The following RGS5 variants were observed in gnomAD, a reference collection of about 807,000 sequenced individuals.
The protein encoded by RGS5 is regulator of G-protein signalling 5.
Under a neutral mutation model 18.9 loss-of-function variants are expected in RGS5, and 20 were observed. The observed-to-expected ratio is 1.06, with a 90% CI of 0.74 to 1.54. The LOEUF is 1.54. RGS5 is among the 40% of genes most tolerant of loss of function. The pLI is 0.00. For synonymous variants in RGS5, 57 were observed against 76.2 expected, an observed-to-expected ratio of 0.75 and a Z score of 1.31; for missense variants, 201 against 211.8, an observed-to-expected ratio of 0.95 and a Z score of 0.32.
chr1:163,227,581 C>T (rs991480801), intron 2 of RGS5, among the ~76,000 whole-genome samples: 1 of 150,806 alleles, frequency 6.6e-6, no homozygotes, highest in African/African-American at 2.4e-5. Flanking sequence ...TATCATTCCA[C>T]CCCCACCCCT....
At chr1:163,174,444 T>C (rs961181292) in intron 1 of RGS5, among the ~76,000 whole-genome samples, 7 of 152,206 alleles carry the variant, frequency 4.6e-5, no homozygotes, top group African/African-American at 1.2e-4. Context: ...TGCTAGGTTA[T>C]AGTAAAGCTG....
upstream of RGS5, among the ~76,000 whole-genome samples, chr1:163,222,309 G>T (rs1241305666): frequency 6.6e-6 from 1 of 152,066 alleles, no homozygotes; most frequent in Non-Finnish European, 1.5e-5. Flanking sequence ...TGCATGCGAG[G>T]AATCTAGGTT....
Position 163,284,486 on chromosome 1 carries a change from T to G in RGS5, c.-281+21747A>C, listed in dbSNP as rs117118257. ...TTTTTTTCTTACTTTGAGCATATCT[T>G]TTCCACTGAGATTACCAGCATATAA... On this transcript the variant is annotated intron_variant, in intron 2 of 5. Transcript: ENST00000618415. Among the ~76,000 whole-genome samples the G allele has an allele frequency of 1.1e-4, 16 of 152,320 alleles. No homozygotes were observed. In the East Asian group the frequency reaches 2.9e-3, roughly 28 times the overall value.
At chr1:163,174,048 C>A (rs1055337825) in intron 1 of RGS5, among the ~76,000 whole-genome samples, 1 of 152,142 alleles carries the variant, frequency 6.6e-6, no homozygotes, top group Non-Finnish European at 1.5e-5. Context: ...TGCACTCCAG[C>A]CTGGACAACA....
chr1:163,167,996 T>C (rs939793244), intron 2 of RGS5, among the ~76,000 whole-genome samples: 1 of 152,144 alleles, frequency 6.6e-6, no homozygotes, highest in African/African-American at 2.4e-5. Context: ...GTCTATTTTA[T>C]AAGTATGTCT....
intron 1 of RGS5, among the ~76,000 whole-genome samples, chr1:163,216,661 T>TA (rs1660224234): frequency 6.6e-6 from 1 of 152,174 alleles, no homozygotes; most frequent in African/African-American, 2.4e-5. Context: ...TAAGAACAGT[T>TA]ACTCTAATAC....
rs1452385815 is a variant in RGS5, at chr1:163,161,934, G to A, written c.198C>T (p.Asp66=). ...ACTTACAGTTGTTCTGCAGGAGTTT[G>A]TCCAGGGAATCACGCCACTGCAGGG... ...DEALQWRDSL[D]KLLQNNYGLA... The change falls in exon 3 of 5, where the codon GAC becomes GAT. Residue 66 remains aspartate (D), a synonymous_variant. Transcript: ENST00000313961. The A allele has an allele frequency of 1.2e-6, 2 of 1,613,094 alleles. No homozygotes were observed.
intron 1 of RGS5, among the ~76,000 whole-genome samples, chr1:163,175,213 C>T (rs10917692): frequency 0.28 from 41,880 of 151,886 alleles, 7,028 homozygotes; most frequent in East Asian, 0.63. Flanking sequence ...GATTAGAGAC[C>T]AGAGGAGAGA....
At chr1:163,280,181 C>G (rs896486251) in intron 2 of RGS5, among the ~76,000 whole-genome samples, 3 of 135,772 alleles carry the variant, frequency 2.2e-5, no homozygotes, top group East Asian at 4.0e-4. Context: ...TATCCTAATA[C>G]CAAAACCAGA....
intron 2 of RGS5, among the ~76,000 whole-genome samples, chr1:163,285,507 T>C (rs1649119609): frequency 6.6e-6 from 1 of 152,088 alleles, no homozygotes; most frequent in Admixed American, 6.6e-5. Context: ...CACTCCAGTC[T>C]GGGTGACAGA....
intron 2 of RGS5, among the ~76,000 whole-genome samples, chr1:163,230,526 T>C (rs1222561252): frequency 1.3e-5 from 2 of 152,226 alleles, no homozygotes; most frequent in African/African-American, 4.8e-5. Context: ...CAGTTTCATC[T>C]TTATTGACTC....
chr1:163,291,295 C>G (rs749109440), intron 2 of RGS5, among the ~76,000 whole-genome samples: 7 of 152,088 alleles, frequency 4.6e-5, no homozygotes, highest in Non-Finnish European at 8.8e-5. Context: ...GGGTATCTAT[C>G]TAGCCAACCC....
intron 2 of RGS5, among the ~76,000 whole-genome samples, chr1:163,251,570 CAA>C (rs1226824499): frequency 6.6e-6 from 1 of 152,080 alleles, no homozygotes; most frequent in Non-Finnish European, 1.5e-5. Context: ...TCACTTATCC[CAA>C]AGTGATCTCA....
chr1:163,176,109 C>T (rs930675929), intron 1 of RGS5, among the ~76,000 whole-genome samples: 4 of 152,168 alleles, frequency 2.6e-5, no homozygotes, highest in Admixed American at 6.5e-5. Flanking sequence ...CTATTATACC[C>T]TTTCAACTCT....
intron 2 of RGS5, among the ~76,000 whole-genome samples, chr1:163,263,955 T>C (rs1180597012): frequency 2.0e-5 from 3 of 151,774 alleles, no homozygotes; most frequent in African/African-American, 7.3e-5. Context: ...CTATGGTGTA[T>C]GGCTGAGGGT....
At chr1:163,299,820 T>C (rs1649508464) in intron 2 of RGS5, among the ~76,000 whole-genome samples, 1 of 152,240 alleles carries the variant, frequency 6.6e-6, no homozygotes, top group African/African-American at 2.4e-5. Flanking sequence ...TATTCTTTCC[T>C]GACTGAAAGA....
chr1:163,303,708 TGTTAGG>T, intron 2 of RGS5, among the ~76,000 whole-genome samples: 1 of 152,288 alleles, frequency 6.6e-6, no homozygotes, highest in East Asian at 1.9e-4. Context: ...GTCTGTGGCC[TGTTAGG>T]AACCAGGCCA....
chr1:163,314,730 A>C (rs1231591157), intron 1 of RGS5, among the ~76,000 whole-genome samples: 1 of 152,162 alleles, frequency 6.6e-6, no homozygotes, highest in Non-Finnish European at 1.5e-5. Flanking sequence ...GGCCTCTGAG[A>C]AATGATTAAT....
At chr1:163,247,605 T>TATAC (rs1216396828) in intron 2 of RGS5, among the ~76,000 whole-genome samples, 17 of 151,164 alleles carry the variant, frequency 1.1e-4, no homozygotes, top group Non-Finnish European at 2.1e-4. Flanking sequence ...TATATATGTA[T>TATAC]ACGTATGACA....
Sources: gnomAD v4.1 joint callset for allele counts (sites outside exome capture counted in the v4.1 genomes callset) on GRCh38, gnomAD v4.1.1 for gene constraint, MANE v1.5 for transcripts, NCBI Gene and HGNC (gene_info 2026-07-23, HGNC 2026-07-21) for gene names.